Variants in IL1RAPL2 observed in about 807,000 individuals in gnomAD.
IL1RAPL2 encodes the protein interleukin 1 receptor accessory protein like 2, also known as X-linked interleukin-1 receptor accessory protein-like 2.
IL1RAPL2 carries 3 observed loss-of-function variants against 44.1 expected under a neutral mutation model. That is an observed-to-expected ratio of 0.07 (90% confidence interval 0.03 to 0.18). The LOEUF (loss-of-function observed/expected upper bound fraction) is 0.18, where lower values mean the gene tolerates loss of function less well. Ranked by LOEUF, IL1RAPL2 falls within the 10% of genes least tolerant of loss-of-function variation. The pLI is 1.00. For missense variants in IL1RAPL2, 391 were observed against 496.4 expected (o/e 0.79, Z 2.02); for synonymous variants, 181 against 178.8 (o/e 1.01, Z -0.10).
chrX:105,083,470 C>T (rs186616462), intron 2 of IL1RAPL2, among the ~76,000 whole-genome samples: 13 of 110,789 alleles, frequency 1.2e-4, no homozygotes, highest in African/African-American at 4.3e-4. Flanking sequence ...AGATAGTTGT[C>T]AAGTATCTAC....
intron 2 of IL1RAPL2, among the ~76,000 whole-genome samples, chrX:105,116,529 T>G (rs1372646204): frequency 2.0e-5 from 2 of 101,198 alleles, no homozygotes; most frequent in Non-Finnish European, 3.8e-5. Context: ...TCAATGGGAA[T>G]AGTCAAGGGT....
intron 2 of IL1RAPL2, among the ~76,000 whole-genome samples, chrX:105,043,768 A>C (rs1378427527): frequency 9.0e-6 from 1 of 110,696 alleles, no homozygotes; most frequent in East Asian, 2.9e-4. Context: ...AATTGTTACA[A>C]ACTTCATAAA....
chrX:105,037,957 T>C lies in IL1RAPL2; in HGVS notation c.83-157518T>C, dbSNP rs142957452. Among the ~76,000 whole-genome samples, 290 of 111,884 alleles carry C rather than the reference T, an allele frequency of 2.6e-3. 8 individuals carry two copies. In the East Asian group the frequency reaches 0.064, roughly 25 times the overall value. On this transcript the variant is annotated intron_variant, in intron 2 of 10. Coordinates refer to ENST00000372582, the MANE Select transcript of IL1RAPL2 (RefSeq NM_017416.2). ...AAGTGTCCAATTAAGCCCAATCCTT[T>C]AAAAGTATTATGTTGTCATGATGGC...
Position 105,237,706 on chromosome X carries a change from T to A in IL1RAPL2, c.543+3702T>A, listed in dbSNP as rs547673799. Among the ~76,000 whole-genome samples, 52 of 111,488 alleles carry A rather than the reference T, an allele frequency of 4.7e-4. 1 individual carries two copies. The South Asian group carries it at 0.019, about 42-fold the overall frequency. ...GATGGGGTTGTTTTTTTCGTGTAAA[T>A]TTGTTTGAGTTCTTTGTAGATTCTA... On this transcript the variant is annotated intron_variant, in intron 4 of 10. Coordinates refer to ENST00000372582, the MANE Select transcript of IL1RAPL2 (RefSeq NM_017416.2).
At position 105,172,710 on chromosome X, in the gene IL1RAPL2, C is replaced by G. The variant is rs773350939; in HGVS notation, c.83-22765C>G. On this transcript the variant is annotated intron_variant, in intron 2 of 10. Transcript: ENST00000372582. ...GCCCATGTGATTAGGTCAGGCCCAC[C>G]TGAATAATCTCCCTATTTTGTGGTC... is the stretch of plus-strand genomic sequence containing the variant. 1.7e-4 allele frequency among the ~76,000 whole-genome samples: 19 copies of G among 111,839 alleles called. No homozygotes were observed. In the East Asian group the frequency reaches 5.1e-3, roughly 30 times the overall value.
intron 6 of IL1RAPL2, among the ~76,000 whole-genome samples, chrX:105,506,656 T>A (rs2036433245): frequency 9.0e-6 from 1 of 111,504 alleles, no homozygotes; most frequent in African/African-American, 3.3e-5. Flanking sequence ...AAGGAGGAGA[T>A]AAATGCATAT....
intron 2 of IL1RAPL2, among the ~76,000 whole-genome samples, chrX:105,029,577 G>C (rs2031444703): frequency 9.2e-6 from 1 of 108,144 alleles, no homozygotes; most frequent in African/African-American, 3.4e-5. Context: ...CAAAGGACAT[G>C]AACTCATCAT....
intron 1 of IL1RAPL2, among the ~76,000 whole-genome samples, chrX:104,636,079 C>T (rs939498925): frequency 9.8e-5 from 11 of 112,316 alleles, no homozygotes; most frequent in South Asian, 3.7e-4. Flanking sequence ...CCCTCAGCTG[C>T]AAGTCTGTTG....
chrX:105,325,541 T>TTATATATATA (rs3035842), intron 5 of IL1RAPL2, among the ~76,000 whole-genome samples: 953 of 75,898 alleles, frequency 0.013, 37 homozygotes, highest in African/African-American at 0.062. Flanking sequence ...TCTCTTGGTT[T>TTATATATATA]TATATATATA....
intron 2 of IL1RAPL2, among the ~76,000 whole-genome samples, chrX:104,761,911 C>T (rs28846182): frequency 1.7e-4 from 7 of 40,685 alleles, no homozygotes; most frequent in African/African-American, 4.2e-4. Context: ...TTCTCCTTCT[C>T]CTTCTCCTTC....
At chrX:105,172,712 G>T (rs2033435108) in intron 2 of IL1RAPL2, among the ~76,000 whole-genome samples, 1 of 111,647 alleles carries the variant, frequency 9.0e-6, no homozygotes, top group Non-Finnish European at 1.9e-5. Flanking sequence ...AGGCCCACCT[G>T]AATAATCTCC....
chrX:104,699,810 C>T (rs1431465607), intron 2 of IL1RAPL2, among the ~76,000 whole-genome samples: 1 of 112,161 alleles, frequency 8.9e-6, no homozygotes, highest in Admixed American at 9.5e-5. Context: ...ACCTTACCAT[C>T]TGGCCCTTTA....
chrX:105,078,415 C>T (rs1195267764), intron 2 of IL1RAPL2, among the ~76,000 whole-genome samples: 3 of 110,567 alleles, frequency 2.7e-5, no homozygotes, highest in Admixed American at 9.6e-5. Flanking sequence ...GAGGAGTACC[C>T]GGGAGTGTGA....
intron 5 of IL1RAPL2, among the ~76,000 whole-genome samples, chrX:105,434,656 G>T (rs1407748330): frequency 8.9e-6 from 1 of 112,018 alleles, no homozygotes. Flanking sequence ...CTCACATTCT[G>T]TAGGTTGCCT....
chrX:104,663,238 C>G (rs2148025385), intron 2 of IL1RAPL2, among the ~76,000 whole-genome samples: 1 of 111,186 alleles, frequency 9.0e-6, no homozygotes, highest in African/African-American at 3.3e-5. Flanking sequence ...CTGAGGACGA[C>G]CATAAAGGCA....
intron 5 of IL1RAPL2, among the ~76,000 whole-genome samples, chrX:105,319,440 G>T (rs1008021107): frequency 6.3e-5 from 7 of 111,756 alleles, no homozygotes; most frequent in Non-Finnish European, 1.1e-4. Flanking sequence ...GAGCTCAAGG[G>T]CAGGAACATC....
chrX:105,616,103 A>G (rs1290655095), intron 6 of IL1RAPL2, among the ~76,000 whole-genome samples: 1 of 112,444 alleles, frequency 8.9e-6, no homozygotes, highest in Non-Finnish European at 1.9e-5. Context: ...CAGTACTGCA[A>G]TCACATAAGA....
intron 1 of IL1RAPL2, among the ~76,000 whole-genome samples, chrX:104,598,224 T>C (rs1320671075): frequency 2.7e-5 from 3 of 112,208 alleles, no homozygotes; most frequent in African/African-American, 9.7e-5. Flanking sequence ...GTGTGTTTTG[T>C]ATTACACATT....
chrX:105,219,824 G>A, intron 3 of IL1RAPL2: 3 of 1,109,611 alleles, frequency 2.7e-6, no homozygotes, highest in Non-Finnish European at 2.4e-6. Context: ...AGCAGGGTAG[G>A]ACGGAGCTAC....
Sources: gnomAD v4.1 joint callset for allele counts (sites outside exome capture counted in the v4.1 genomes callset) on GRCh38, gnomAD v4.1.1 for gene constraint, MANE v1.5 for transcripts, NCBI Gene and HGNC (gene_info 2026-07-23, HGNC 2026-07-21) for gene names.